The following LCLAT1 variants were observed in gnomAD, a reference collection of about 807,000 sequenced individuals.
LCLAT1 encodes the protein 1-AGP acyltransferase 8.
A neutral mutation model predicts 30.7 loss-of-function variants in LCLAT1; 11 were observed. That is an observed-to-expected ratio of 0.36 (90% CI 0.23 to 0.59). LCLAT1 has a LOEUF of 0.59. Among genes scored for constraint, LCLAT1 ranks in the 20% least tolerant of loss-of-function variants. The pLI, the probability that LCLAT1 is intolerant of heterozygous loss-of-function variation, is 0.77. For missense variants in LCLAT1, 402 were observed against 458.6 expected (o/e 0.88, Z 1.13); for synonymous variants, 155 against 151.3 (o/e 1.02, Z -0.18).
chr2:30,514,489 G>A (rs778936643), intron 1 of LCLAT1, among the ~76,000 whole-genome samples: 47 of 152,154 alleles, frequency 3.1e-4, no homozygotes, highest in Admixed American at 9.2e-4. Context: ...TCCATGTTAT[G>A]ACCTTTGGAT....
chr2:30,537,009 A>G (rs570500019), intron 3 of LCLAT1, among the ~76,000 whole-genome samples: 1 of 152,110 alleles, frequency 6.6e-6, no homozygotes, highest in Non-Finnish European at 1.5e-5. Context: ...ATAGACTGAA[A>G]TGAAGGAATT....
intron 3 of LCLAT1, among the ~76,000 whole-genome samples, chr2:30,559,667 G>A (rs1376921780): frequency 1.3e-5 from 2 of 152,044 alleles, no homozygotes; most frequent in Non-Finnish European, 2.9e-5. Context: ...ACACCCTCAT[G>A]CTATTGAAAT....
intron 1 of LCLAT1, among the ~76,000 whole-genome samples, chr2:30,456,833 T>C (rs529624479): frequency 1.4e-4 from 22 of 152,296 alleles, no homozygotes; most frequent in African/African-American, 5.3e-4. Context: ...TGGCCAGGAT[T>C]TTTGGTTGTA....
intron 2 of LCLAT1, among the ~76,000 whole-genome samples, chr2:30,527,683 A>G (rs370775136): frequency 8.6e-4 from 131 of 152,300 alleles, no homozygotes; most frequent in South Asian, 3.1e-3. Flanking sequence ...CTTCATCTCT[A>G]TAAAAAGGAG....
intron 5 of LCLAT1, among the ~76,000 whole-genome samples, chr2:30,621,386 A>T (rs997162635): frequency 6.6e-6 from 1 of 152,142 alleles, no homozygotes; most frequent in Admixed American, 6.6e-5. Flanking sequence ...GGAGCCCCTC[A>T]TGAAAGAGAT....
intron 1 of LCLAT1, among the ~76,000 whole-genome samples, chr2:30,517,686 T>C (rs1685248746): frequency 6.6e-6 from 1 of 150,992 alleles, no homozygotes; most frequent in Non-Finnish European, 1.5e-5. Context: ...CCAAAATCCA[T>C]CTACCAAAGG....
chr2:30,634,027 A>C (rs151098295), intron 5 of LCLAT1, among the ~76,000 whole-genome samples: 46 of 152,334 alleles, frequency 3.0e-4, no homozygotes, highest in African/African-American at 1.0e-3. Context: ...TTCATGCTGG[A>C]TATTACATTT....
chr2:30,633,710 T>C (rs1340027135), intron 5 of LCLAT1, among the ~76,000 whole-genome samples: 2 of 152,092 alleles, frequency 1.3e-5, no homozygotes, highest in Non-Finnish European at 2.9e-5. Flanking sequence ...ATAAAATAAG[T>C]TACATGTTTA....
At chr2:30,518,264 T>A (rs1192218166) in intron 1 of LCLAT1, among the ~76,000 whole-genome samples, 1 of 152,160 alleles carries the variant, frequency 6.6e-6, no homozygotes, top group East Asian at 1.9e-4. Flanking sequence ...TATACAAAGT[T>A]CTAACCAGAC....
chr2:30,499,369 A>G (rs570177011), intron 1 of LCLAT1, among the ~76,000 whole-genome samples: 43 of 152,230 alleles, frequency 2.8e-4, no homozygotes, highest in Middle Eastern at 3.4e-3. Context: ...TTTAGTAGAG[A>G]CAGGGTTTCG....
chr2:30,494,563 C>CAG (rs1341477829), intron 1 of LCLAT1, among the ~76,000 whole-genome samples: 1 of 47,364 alleles, frequency 2.1e-5, no homozygotes, highest in Non-Finnish European at 5.0e-5. Context: ...CGCATACGTG[C>CAG]ATACACACAT....
chr2:30,571,836 T>C (rs1665792488), intron 5 of LCLAT1, among the ~76,000 whole-genome samples: 1 of 152,222 alleles, frequency 6.6e-6, no homozygotes, highest in Non-Finnish European at 1.5e-5. Context: ...GCTAGAATAT[T>C]TTCTGAGACA....
At chr2:30,506,652 AG>A (rs1252794238) in intron 1 of LCLAT1, among the ~76,000 whole-genome samples, 1 of 152,196 alleles carries the variant, frequency 6.6e-6, no homozygotes, top group Admixed American at 6.5e-5. Context: ...AAACAAATAC[AG>A]TTCTCATTGG....
At chr2:30,514,252 G>A (rs953517286) in intron 1 of LCLAT1, among the ~76,000 whole-genome samples, 3 of 152,210 alleles carry the variant, frequency 2.0e-5, no homozygotes, top group African/African-American at 7.2e-5. Flanking sequence ...ACTTGACATT[G>A]TCAAGGGACA....
chr2:30,472,949 C>A (rs1441253262), intron 1 of LCLAT1, among the ~76,000 whole-genome samples: 3 of 151,934 alleles, frequency 2.0e-5, no homozygotes, highest in African/African-American at 7.3e-5. Flanking sequence ...TAGTGTGTTG[C>A]AACTATTTTT....
intron 1 of LCLAT1, among the ~76,000 whole-genome samples, chr2:30,491,150 A>G (rs1683817509): frequency 6.6e-6 from 1 of 152,228 alleles, no homozygotes. Flanking sequence ...ATGGGTAGGA[A>G]ACTCATCTGG....
At chr2:30,604,269 T>C (rs1195800142) in intron 5 of LCLAT1, among the ~76,000 whole-genome samples, 3 of 152,126 alleles carry the variant, frequency 2.0e-5, no homozygotes, top group African/African-American at 7.2e-5. Context: ...TGGAAATCTC[T>C]TCTATGTTCT....
At position 30,516,203 on chromosome 2, in the gene LCLAT1, T is replaced by C. The variant is rs182955087; in HGVS notation, c.-4-9384T>C. The stretch of plus-strand genomic sequence containing the variant: ...TAAACCTAGGTATTCGAACTGGCAG[T>C]GGCAACCCCCTTTGGATCCCCTCCC... On this transcript the variant is annotated intron_variant, in intron 1 of 5. Transcript: ENST00000379509. 2.9e-3 allele frequency among the ~76,000 whole-genome samples: 447 copies of C among 152,318 alleles called. 2 individuals are homozygous for C. Among genetic ancestry groups the C allele is most frequent in the Non-Finnish European group, 4.7e-3 (322 of 68,018 alleles).
At chr2:30,534,366 C>T (rs1228986953) in intron 3 of LCLAT1, among the ~76,000 whole-genome samples, 1 of 152,056 alleles carries the variant, frequency 6.6e-6, no homozygotes, top group East Asian at 1.9e-4. Flanking sequence ...CAAGCTCCAC[C>T]TCGCAGGTTC....
Sources: gnomAD v4.1 joint callset for allele counts (sites outside exome capture counted in the v4.1 genomes callset) on GRCh38, gnomAD v4.1.1 for gene constraint, MANE v1.5 for transcripts, NCBI Gene and HGNC (gene_info 2026-07-23, HGNC 2026-07-21) for gene names.